SNX8: variants seen among roughly 807,000 people sequenced by gnomAD.
SNX8 encodes sorting nexin-8.
SNX8 carries 25 observed loss-of-function variants against 51.6 expected under a neutral mutation model. The ratio of observed to expected loss-of-function variants is 0.48; its 90% CI spans 0.35 to 0.68. The LOEUF (loss-of-function observed/expected upper bound fraction) is 0.68. Among genes scored for constraint, SNX8 ranks in the 30% least tolerant of loss-of-function variants. The pLI is 0.00. For synonymous variants in SNX8, 324 were observed against 277.0 expected (o/e 1.17, Z -1.68); for missense variants, 695 against 624.0 (o/e 1.11, Z -1.21).
At chr7:2,274,678 G>A (rs958565705) in intron 3 of SNX8, among the ~76,000 whole-genome samples, 3 of 152,238 alleles carry the variant, frequency 2.0e-5, no homozygotes, top group African/African-American at 7.2e-5. Flanking sequence ...TCTTCCATGA[G>A]GCCACCGAGC....
At chr7:2,340,494 G>C (rs1392526472) in intron 1 of SNX8, among the ~76,000 whole-genome samples, 1 of 151,086 alleles carries the variant, frequency 6.6e-6, no homozygotes, top group Non-Finnish European at 1.5e-5. Flanking sequence ...TCTTTTAATG[G>C]TTATTCTAGG....
intron 1 of SNX8, among the ~76,000 whole-genome samples, chr7:2,328,841 T>C (rs1778675595): frequency 6.6e-6 from 1 of 151,116 alleles, no homozygotes; most frequent in Non-Finnish European, 1.5e-5. Flanking sequence ...ATCCCAGCAC[T>C]TTGGGAGGCC....
chr7:2,299,377 G>A (rs1796343681), intron 1 of SNX8: 1 of 151,934 alleles, frequency 6.6e-6, no homozygotes, highest in Admixed American at 6.6e-5. Context: ...TCAAATCAGA[G>A]TCAAGGGACA....
chr7:2,347,268 G>A (rs1779049299), intron 1 of SNX8, among the ~76,000 whole-genome samples: 1 of 152,038 alleles, frequency 6.6e-6, no homozygotes, highest in South Asian at 2.1e-4. Context: ...GATCACCTGA[G>A]GTCAGGAGTT....
Position 2,264,450 on chromosome 7 carries a change from G to A in SNX8, c.630C>T (p.Leu210=). The change falls in exon 6 of 11, where the codon CTC becomes CTT. Residue 210 remains leucine, a synonymous_variant. Transcript: ENST00000222990. ...CKLATRAKDF[L]PADIQAQFAI... ...CAAACTGAGCCTGGATGTCAGCTGG[G>A]AGGAAGTCCTGACATCATGATGGGG... is the stretch of plus-strand genomic sequence containing the variant. The A allele has an allele frequency of 6.2e-7, 1 of 1,610,626 alleles. No homozygotes were observed. The highest frequency in any genetic ancestry group is 8.5e-7 in the Non-Finnish European group (1 of 1,179,748).
chr7:2,303,476 A>T (rs1368296222), intron 1 of SNX8, among the ~76,000 whole-genome samples: 1 of 152,186 alleles, frequency 6.6e-6, no homozygotes, highest in Non-Finnish European at 1.5e-5. Context: ...CATTGAGAAC[A>T]GGCCAGGATG....
Position 2,264,339 on chromosome 7 carries a change from G to C in SNX8, c.741C>G (p.Ile247Met), listed in dbSNP as rs747318950. 7 of 1,612,716 alleles carry C rather than the reference G, an allele frequency of 4.3e-6. No individual in the cohort carries two copies. Among genetic ancestry groups the C allele is most frequent in the Non-Finnish European group, 5.9e-6 (7 of 1,179,816 alleles). Residue 247 changes from isoleucine (I) to methionine (M), a missense_variant, in exon 6 of 11, where the codon ATC becomes ATG. By Grantham distance (10) the Ile-to-Met change is conservative. Transcript: ENST00000222990. The stretch of plus-strand genomic sequence containing the variant: ...ATATGAGAAGATCTGCCGCATTGTC[G>C]ATGGCCCGCGATGCGATCCGCTCGG... The part of the protein sequence containing the change: ...DRAERIASRA[I>M]DNAADLLIFG...
In SNX8 at chr7:2,264,473, G is replaced by T. The variant is rs369066340; in HGVS notation, c.622-15C>A. 2.5e-5 allele frequency: 40 copies of T among 1,605,960 alleles called. No homozygotes were observed. Among genetic ancestry groups the T allele is most frequent in the Non-Finnish European group, 3.2e-5 (38 of 1,177,998 alleles). On this transcript the variant is annotated splice_polypyrimidine_tract_variant and intron_variant, in intron 5 of 10. Transcript: ENST00000222990. ...GGGAGGAAGTCCTGACATCATGATG[G>T]GGGGAGAGACACTGTGTTAGTCGCT...
rs1796668719 is a variant in SNX8, at chr7:2,312,004, CAGA to C, written c.94+2321_94+2323del. ...GCCAGGATGACGACCAAGTTTCAAA[CAGA>C]AGGACAGTCTACGTCCCAAGAGTCT... On this transcript the variant is annotated intron_variant, in intron 1 of 10. Coordinates refer to ENST00000222990, the MANE Select transcript of SNX8 (RefSeq NM_013321.4). 2.6e-5 allele frequency among the ~76,000 whole-genome samples: 4 copies of C among 152,088 alleles called. No individual in the cohort carries two copies. The South Asian group carries it at 6.2e-4, about 24-fold the overall frequency.
At chr7:2,327,925 C>G (rs550151920) in intron 1 of SNX8, among the ~76,000 whole-genome samples, 1 of 151,740 alleles carries the variant, frequency 6.6e-6, no homozygotes, top group African/African-American at 2.4e-5. Context: ...TGCAGCGGCA[C>G]GATCATGGCT....
chr7:2,353,637 C>T (rs1334318995), intron 1 of SNX8, among the ~76,000 whole-genome samples: 2 of 152,016 alleles, frequency 1.3e-5, no homozygotes, highest in Admixed American at 6.6e-5. Flanking sequence ...GTACATTCAC[C>T]ATGTTGTACC....
intron 1 of SNX8, among the ~76,000 whole-genome samples, chr7:2,346,279 C>CA (rs1779022853): frequency 6.6e-6 from 1 of 151,996 alleles, no homozygotes; most frequent in South Asian, 2.1e-4. Context: ...CTGGTCTCTA[C>CA]AAAAAATAAA....
intron 1 of SNX8, among the ~76,000 whole-genome samples, chr7:2,322,229 C>T (rs1030313215): frequency 6.6e-6 from 1 of 152,116 alleles, no homozygotes; most frequent in African/African-American, 2.4e-5. Flanking sequence ...CTGCTAAGGA[C>T]CTTTCAGAAA....
chr7:2,264,276 C>A, intron 6 of SNX8, 22 bp downstream of exon 6: 2 of 1,599,688 alleles, frequency 1.3e-6, no homozygotes, highest in Non-Finnish European at 1.7e-6. Context: ...CGTGCCCCTG[C>A]AGAAGCTGAA....
chr7:2,331,700 G>C (rs929273173), intron 1 of SNX8, among the ~76,000 whole-genome samples: 1 of 128,986 alleles, frequency 7.8e-6, no homozygotes, highest in Non-Finnish European at 1.7e-5. Context: ...GTGACACTCC[G>C]TCTCAAAATA....
Position 2,264,558 on chromosome 7 carries a change from A to G in SNX8, c.622-100T>C, listed in dbSNP as rs527767065. 1.5e-5 allele frequency: 18 copies of G among 1,179,628 alleles called. No homozygotes were observed. The African/African-American group carries it at 1.8e-4, about 12-fold the overall frequency. 73.1% of individuals were successfully genotyped at this position (1,179,628 alleles called of 1,614,324 possible). On this transcript the variant is annotated intron_variant, in intron 5 of 10. Coordinates refer to ENST00000222990, the MANE Select transcript of SNX8 (RefSeq NM_013321.4). ...CCAGAAGCTGAGCCACGGGAGACAC[A>G]GCAGGTCCATGAGCCACCCCGGGAG...
chr7:2,339,131 T>C (rs2115243709), intron 1 of SNX8, among the ~76,000 whole-genome samples: 1 of 152,274 alleles, frequency 6.6e-6, no homozygotes, highest in African/African-American at 2.4e-5. Flanking sequence ...ACTGATCTCC[T>C]AGTCTCAAGC....
At chr7:2,279,517 C>A (rs1795862436) in intron 1 of SNX8, among the ~76,000 whole-genome samples, 1 of 152,024 alleles carries the variant, frequency 6.6e-6, no homozygotes, top group African/African-American at 2.4e-5. Context: ...TTGGGGAGAC[C>A]GAGGCAAGAG....
intron 5 of SNX8, among the ~76,000 whole-genome samples, chr7:2,268,914 A>C (rs1372489841): frequency 1.5e-5 from 1 of 67,274 alleles, no homozygotes. Context: ...GGGGGGGGTC[A>C]GCCCCCCTGC....
Sources: gnomAD v4.1 joint callset for allele counts (sites outside exome capture counted in the v4.1 genomes callset) on GRCh38, gnomAD v4.1.1 for gene constraint, MANE v1.5 for transcripts, NCBI Gene and HGNC (gene_info 2026-07-23, HGNC 2026-07-21) for gene names.